Variants in CAST observed in about 807,000 individuals in gnomAD.
The protein encoded by CAST is calpastatin, also known as MIR583 host.
CAST carries 76 observed loss-of-function variants against 119.6 expected under a neutral mutation model. That is an observed-to-expected ratio of 0.64 (90% CI 0.53 to 0.77). CAST has a LOEUF of 0.77. Among genes scored for constraint, CAST ranks in the 30% least tolerant of loss-of-function variants. CAST has a pLI of 0.00. For missense variants in CAST, 953 were observed against 946.5 expected (o/e 1.01, Z -0.09); for synonymous variants, 319 against 331.6 (o/e 0.96, Z 0.41).
the CAST span, chr5:96,433,201 T>C: frequency 1.1e-5 from 8 of 718,240 alleles, no homozygotes; most frequent in East Asian, 1.6e-4. Context: ...GAGGAGAGGC[T>C]GGGCGGCGGC....
At chr5:96,396,167 T>C in the CAST span, among the ~76,000 whole-genome samples, 9 of 152,206 alleles carry the variant, frequency 5.9e-5, no homozygotes, top group Non-Finnish European at 1.3e-4. Flanking sequence ...TAGCAGTCTT[T>C]AGGAGAAAGC....
chr5:96,663,121 C>T, intron 1 of CAST: 1 of 702,586 alleles, frequency 1.4e-6, no homozygotes, highest in Non-Finnish European at 2.6e-6. Context: ...CGGATCGGAG[C>T]CAGCCGGTTG....
the CAST span, among the ~76,000 whole-genome samples, chr5:96,234,872 AAAAT>A: frequency 5.9e-5 from 9 of 151,942 alleles, no homozygotes; most frequent in African/African-American, 2.2e-4. Context: ...TAATTTACAT[AAAAT>A]AAATTACATA....
At chr5:96,344,598 A>G in the CAST span, among the ~76,000 whole-genome samples, 7 of 152,174 alleles carry the variant, frequency 4.6e-5, no homozygotes, top group Non-Finnish European at 1.0e-4. Flanking sequence ...TCAGACCTTG[A>G]CCTAGTGAGA....
Position 96,740,084 on chromosome 5 carries a change from T to A in CAST, c.845T>A (p.Val282Asp), listed in dbSNP as rs780774098. ...TYIEELGKRE[V>D]TIPPKYRELL... ...ATAGAGGAATTGGGTAAAAGAGAAG[T>A]CACAATTCCTCCAAAATATAGGGAA... Residue 282 changes from valine (V) to aspartate (D), a missense_variant, in exon 12 of 32, where the codon GTC becomes GAC. Transcript: ENST00000675179. 4 of 1,575,692 alleles carry A rather than the reference T, an allele frequency of 2.5e-6. No individual in the cohort carries two copies. Among genetic ancestry groups the A allele is most frequent in the Admixed American group, 3.5e-5 (2 of 57,576 alleles).
the CAST span, among the ~76,000 whole-genome samples, chr5:96,312,973 G>A: frequency 7.0e-4 from 106 of 152,178 alleles, no homozygotes; most frequent in Middle Eastern, 3.4e-3. Context: ...TATGGATGTT[G>A]TAGTTATTAG....
chr5:96,358,023 A>C, the CAST span, among the ~76,000 whole-genome samples: 2 of 152,178 alleles, frequency 1.3e-5, no homozygotes, highest in Non-Finnish European at 2.9e-5. Flanking sequence ...TTATTGGTCT[A>C]TTCAGAGATT....
chr5:96,160,082 G>A, the CAST span, among the ~76,000 whole-genome samples: 1 of 152,008 alleles, frequency 6.6e-6, no homozygotes, highest in Non-Finnish European at 1.5e-5. Flanking sequence ...AGAGGTTGCA[G>A]TGAGCCAAGA....
At chr5:96,319,892 T>C in the CAST span, among the ~76,000 whole-genome samples, 1 of 151,700 alleles carries the variant, frequency 6.6e-6, no homozygotes, top group African/African-American at 2.4e-5. Context: ...AGCCGGGTGG[T>C]TTTTAATTAA....
the CAST span, among the ~76,000 whole-genome samples, chr5:96,087,904 GC>G: frequency 2.6e-5 from 4 of 152,152 alleles, no homozygotes; most frequent in Non-Finnish European, 4.4e-5. Context: ...CATTCTTTCA[GC>G]CCTGTAATTT....
the CAST span, among the ~76,000 whole-genome samples, chr5:96,519,459 A>G: frequency 6.6e-6 from 1 of 152,162 alleles, no homozygotes; most frequent in Non-Finnish European, 1.5e-5. Context: ...TTTTGTCTTT[A>G]AGTCTTTGGA....
upstream of CAST, among the ~76,000 whole-genome samples, chr5:96,657,241 G>A (rs1283865534): frequency 6.6e-6 from 1 of 152,194 alleles, no homozygotes; most frequent in Admixed American, 6.5e-5. Context: ...GTATTGTGTG[G>A]TTTGGGTGTG....
the CAST span, among the ~76,000 whole-genome samples, chr5:96,013,553 C>T: frequency 6.6e-6 from 1 of 152,012 alleles, no homozygotes; most frequent in Non-Finnish European, 1.5e-5. Context: ...TCATGCTTTA[C>T]TTAACATATG....
the CAST span, among the ~76,000 whole-genome samples, chr5:96,067,969 A>T: frequency 6.6e-6 from 1 of 151,696 alleles, no homozygotes; most frequent in African/African-American, 2.4e-5. Flanking sequence ...AATGCCAGGA[A>T]CCCACAGCAG....
the CAST span, among the ~76,000 whole-genome samples, chr5:96,113,225 T>A: frequency 6.6e-6 from 1 of 152,184 alleles, no homozygotes; most frequent in Non-Finnish European, 1.5e-5. Flanking sequence ...TGAGACCAAA[T>A]TATGTCCTTC....
rs1253373925 is a variant in CAST at position 96,773,035 on chromosome 5, A to G, written c.*419A>G. 1 of 153,882 alleles carries G rather than the reference A, an allele frequency of 6.5e-6. No individual in the cohort carries two copies. Among genetic ancestry groups the G allele is most frequent in the Non-Finnish European group, 1.5e-5 (1 of 68,034 alleles). The allele number at this position is 153,882 out of a possible 1,614,324, so 9.5% of individuals were successfully genotyped here. On this transcript the variant is annotated 3_prime_UTR_variant, in exon 32 of 32. Coordinates refer to ENST00000675179, the MANE Select transcript of CAST (RefSeq NM_001750.7). ...CTTAATTTTTTTTGTTAGTGTTTAG[A>G]AAACAATGTTTTAAACATTCTTCAG...
chr5:95,964,887 A>G, the CAST span: 1 of 152,316 alleles, frequency 6.6e-6, no homozygotes, highest in African/African-American at 2.4e-5. Flanking sequence ...AAAAGGCTAA[A>G]AGGAATTTGA....
chr5:96,192,612 T>C, the CAST span, among the ~76,000 whole-genome samples: 4 of 152,246 alleles, frequency 2.6e-5, no homozygotes, highest in Non-Finnish European at 5.9e-5. Context: ...AAATATTTGC[T>C]ACTTTTTTCT....
intron 1 of CAST, among the ~76,000 whole-genome samples, chr5:96,582,659 A>C (rs920991039): frequency 6.6e-6 from 1 of 152,232 alleles, no homozygotes; most frequent in African/African-American, 2.4e-5. Context: ...ATTTCCCTCC[A>C]TTAGCGGTTT....
Sources: gnomAD v4.1 joint callset for allele counts (sites outside exome capture counted in the v4.1 genomes callset) on GRCh38, gnomAD v4.1.1 for gene constraint, MANE v1.5 for transcripts, NCBI Gene and HGNC (gene_info 2026-07-23, HGNC 2026-07-21) for gene names.